MUC17: variants seen among roughly 807,000 people sequenced by gnomAD.
MUC17 encodes the protein mucin 17, cell surface associated.
MUC17 carries 190 observed loss-of-function variants against 170.3 expected under a neutral mutation model. That is an observed-to-expected ratio of 1.12 (90% CI 0.99 to 1.26). The LOEUF (loss-of-function observed/expected upper bound fraction) is 1.26, where lower values mean the gene tolerates loss of function less well. MUC17 is among the 50% of genes most tolerant of loss of function. The probability of loss-of-function intolerance (pLI) is 0.00; values close to 1 mark genes in which losing one functional copy is unlikely to be tolerated. For synonymous variants in MUC17, 2,325 were observed against 2,002.5 expected (o/e 1.16, Z -4.30); for missense variants, 6,415 against 5,530.0 (o/e 1.16, Z -5.08).
chr7:101,038,146 C>T lies in MUC17; in HGVS notation c.6730C>T (p.Pro2244Ser). The part of the protein sequence containing the change: ...TSEASTLSAT[P>S]VDTSTPVTTS... ...TGAGGCTAGCACCCTTTCAGCAACT[C>T]CTGTTGACACCAGCACACCTGTGAC... The change falls in exon 3 of 13, where the codon CCT (proline) becomes TCT (serine). Residue 2244 changes from proline (P) to serine (S), a missense_variant. By Grantham distance (74) the Pro-to-Ser change is moderately conservative. Transcript: ENST00000306151. 6.2e-7 allele frequency: 1 copy of T among 1,613,750 alleles called. No individual in the cohort carries two copies. The highest frequency in any genetic ancestry group is 8.5e-7 in the Non-Finnish European group (1 of 1,179,916).
chr7:101,037,182 G>A lies in MUC17; in HGVS notation c.5766G>A (p.Arg1922=), dbSNP rs368849364. 5.2e-5 allele frequency: 80 copies of A among 1,538,700 alleles called. No homozygotes were observed. The African/African-American group carries it at 1.2e-3, about 23-fold the overall frequency. ...DGSSMPTSTP[R]EGRPPLTSIP... ...GCAGCATGCCAACCTCAACTCCTAG[G>A]GAAGGAAGGCCTCCATTAACAAGTA... The change falls in exon 3 of 13, where the codon AGG becomes AGA. Residue 1922 remains arginine (R), a synonymous_variant. Transcript: ENST00000306151.
chr7:101,040,538 C>T lies in MUC17; in HGVS notation c.9122C>T (p.Pro3041Leu), dbSNP rs1239747506. ...GGTACCGGCATACCAATCTCAACTC[C>T]TAGTGAAGGAAGTACTCCATTAACA... ...AEGTGIPIST[P>L]SEGSTPLTSI... Residue 3041 changes from proline (P) to leucine (L), a missense_variant, in exon 3 of 13, where the codon CCT becomes CTT. Pro to Leu is a moderately conservative substitution (Grantham distance 98). Transcript: ENST00000306151. 6.2e-7 allele frequency: 1 copy of T among 1,611,848 alleles called. No homozygotes were observed. Among genetic ancestry groups the T allele is most frequent in the Non-Finnish European group, 8.5e-7 (1 of 1,179,180 alleles).
rs142188663 is a variant in MUC17 at position 101,037,723 on chromosome 7, C to T, written c.6307C>T (p.Leu2103=). The change falls in exon 3 of 13, where the codon CTA becomes TTA. Residue 2103 remains leucine (L), a synonymous_variant. Transcript: ENST00000306151. ...TISAPSEGSP[L]LTSIPLSTTP... ...CTCAGCTCCTAGTGAAGGAAGTCCTCTACTAACAAGTATACCTCTCAGCAC... is the reference window on the plus strand; with the variant it reads ...CTCAGCTCCTAGTGAAGGAAGTCCTTTACTAACAAGTATACCTCTCAGCAC... 503 of 1,613,364 alleles carry T rather than the reference C, an allele frequency of 3.1e-4. 3 individuals carry two copies. In the Middle Eastern group the frequency reaches 3.9e-3, roughly 13 times the overall value.
chr7:101,022,580 A>G (rs1794111339), intron 1 of MUC17, among the ~76,000 whole-genome samples: 1 of 152,106 alleles, frequency 6.6e-6, no homozygotes, highest in African/African-American at 2.4e-5. Flanking sequence ...ATCCAGGCAT[A>G]TTGGGAGGCC....
rs1313049490 is a variant in MUC17 at position 101,053,150 on chromosome 7, G to A, written c.13265+3G>A. The A allele has an allele frequency of 6.2e-7, 1 of 1,612,398 alleles. No homozygotes were observed. Among genetic ancestry groups the A allele is most frequent in the Non-Finnish European group, 8.5e-7 (1 of 1,179,220 alleles). On this transcript the variant is annotated splice_donor_region_variant and intron_variant, in intron 10 of 12. Transcript: ENST00000306151. ...CGCTCCAAGAGAGAGGTGAAACGGTGAGCGAGCCCCTACCACCTCCTCTTC... is the reference window on the plus strand; with the variant it reads ...CGCTCCAAGAGAGAGGTGAAACGGTAAGCGAGCCCCTACCACCTCCTCTTC...
intron 4 of MUC17, 144 bp from the exon 5 acceptor site, chr7:101,048,701 C>G: frequency 1.4e-6 from 1 of 704,276 alleles, no homozygotes; most frequent in South Asian, 2.3e-5. Context: ...GGAAATAAAA[C>G]AAGAAGGTGT....
chr7:101,029,965 T>A (rs1029060876), intron 1 of MUC17, among the ~76,000 whole-genome samples: 1 of 152,178 alleles, frequency 6.6e-6, no homozygotes, highest in African/African-American at 2.4e-5. Flanking sequence ...TATTTTCTAT[T>A]GAAGGACTTC....
In MUC17 at chr7:101,042,233, C is replaced by T. The variant is rs773296945; in HGVS notation, c.10817C>T (p.Pro3606Leu). 4.3e-6 allele frequency: 7 copies of T among 1,614,210 alleles called. No homozygotes were observed. Among genetic ancestry groups the T allele is most frequent in the Non-Finnish European group, 5.9e-6 (7 of 1,180,028 alleles). The change falls in exon 3 of 13, where the codon CCT becomes CTT. Residue 3606 changes from proline (P) to leucine (L), a missense_variant. Physicochemically the swap from Pro to Leu is moderately conservative, Grantham distance 98. Coordinates refer to ENST00000306151, the MANE Select transcript of MUC17 (RefSeq NM_001040105.2). Reference protein sequence around the residue: ...PSTPSVDRSTPVTTSTQSNST... With the variant: ...PSTPSVDRSTLVTTSTQSNST... ...ACTCCTTCTGTTGACAGAAGCACAC[C>T]TGTGACCACTTCTACTCAGAGCAAT...
intron 2 of MUC17, 115 bp from the exon 3 acceptor site, chr7:101,031,485 CG>C (rs1794277755): frequency 8.6e-7 from 1 of 1,157,956 alleles, no homozygotes; most frequent in African/African-American, 1.6e-5. Context: ...TTCCTGAAAA[CG>C]GATGACATCC....
chr7:101,049,445 G>A (rs1794898329), intron 6 of MUC17, 63 bp downstream of exon 6: 1 of 1,567,148 alleles, frequency 6.4e-7, no homozygotes, highest in Non-Finnish European at 8.7e-7. Flanking sequence ...TAGTTATAAA[G>A]GCAATTAGAA....
rs199804999 is a variant in MUC17, at chr7:101,038,820, G to T, written c.7404G>T (p.Val2468=). 1.2e-6 allele frequency: 2 copies of T among 1,612,528 alleles called. No individual in the cohort carries two copies. Among genetic ancestry groups the T allele is most frequent in the South Asian group, 1.1e-5 (1 of 90,890 alleles). The change falls in exon 3 of 13, where the codon GTG becomes GTT. Residue 2468 remains valine, a synonymous_variant. Transcript: ENST00000306151. The part of the protein sequence containing the change: ...LASMPVSTTP[V]VSSEAGTLST... ...GTATGCCTGTCAGCACCACGCCGGT[G>T]GTCAGTTCTGAGGCTGGCACCCTTT... is the stretch of plus-strand genomic sequence containing the variant.
chr7:101,032,940 A>C lies in MUC17; in HGVS notation c.1524A>C (p.Glu508Asp), dbSNP rs1419810446. 1.2e-6 allele frequency: 2 copies of C among 1,614,008 alleles called. No individual in the cohort carries two copies. Among genetic ancestry groups the C allele is most frequent in the African/African-American group, 2.7e-5 (2 of 74,906 alleles). Residue 508 changes from glutamate (E) to aspartate (D), a missense_variant, in exon 3 of 13, where the codon GAA (glutamate) becomes GAC (aspartate). Physicochemically the swap from Glu to Asp is conservative, Grantham distance 45 (BLOSUM62 2). Coordinates refer to ENST00000306151, the MANE Select transcript of MUC17 (RefSeq NM_001040105.2). The stretch of plus-strand genomic sequence containing the variant: ...GCATGCCAACCTCAACTCCTAGTGA[A>C]GGAAGCACTCCATTAACAAGTATGT... ...VNSMPTSTPS[E>D]GSTPLTSMSV...
At chr7:101,050,867 A>T (rs1794929392) in intron 7 of MUC17, among the ~76,000 whole-genome samples, 1 of 152,046 alleles carries the variant, frequency 6.6e-6, no homozygotes, top group African/African-American at 2.4e-5. Flanking sequence ...AAGGGAAGGG[A>T]CAAAGGCAAA....
In MUC17 at chr7:101,036,497, G is replaced by C; in HGVS notation, c.5081G>C (p.Ser1694Thr). ...ACTGAAGGAAGAACTCCTTTAACAA[G>C]TATAACTGTCAGAACAACACCGGTG... ...TYTEGRTPLT[S>T]ITVRTTPVAS... Residue 1694 changes from serine (S) to threonine (T), a missense_variant, in exon 3 of 13, where the codon AGT becomes ACT. By Grantham distance (58) the Ser-to-Thr change is moderately conservative. Coordinates refer to ENST00000306151, the MANE Select transcript of MUC17 (RefSeq NM_001040105.2). The C allele has an allele frequency of 6.2e-7, 1 of 1,610,682 alleles. No homozygotes were observed. The highest frequency in any genetic ancestry group is 8.5e-7 in the Non-Finnish European group (1 of 1,178,224).
chr7:101,039,074 G>A lies in MUC17; in HGVS notation c.7658G>A (p.Ser2553Asn). 6.2e-7 allele frequency: 1 copy of A among 1,613,044 alleles called. No individual in the cohort carries two copies. The highest frequency in any genetic ancestry group is 8.5e-7 in the Non-Finnish European group (1 of 1,179,736). The change falls in exon 3 of 13, where the codon AGT becomes AAT. Residue 2553 changes from serine to asparagine, a missense_variant. Physicochemically the swap from Ser to Asn is conservative, Grantham distance 46. Transcript: ENST00000306151. Reference sequence around the variant, plus strand: ...CCTGTGGTCACTTCTACTGAAATCAGTTCATCTGCTACATCCGCTGAAGGT... The same window carrying A: ...CCTGTGGTCACTTCTACTGAAATCAATTCATCTGCTACATCCGCTGAAGGT... ...NSPVVTSTEI[S>N]SSATSAEGTS...
In MUC17 at chr7:101,041,425, G is replaced by A. The variant is rs1334472951; in HGVS notation, c.10009G>A (p.Glu3337Lys). 9 of 1,614,144 alleles carry A rather than the reference G, an allele frequency of 5.6e-6. No homozygotes were observed. The highest frequency in any genetic ancestry group is 6.8e-6 in the Non-Finnish European group (8 of 1,180,024). Residue 3337 changes from glutamate (E) to lysine (K), a missense_variant, in exon 3 of 13, where the codon GAA (glutamate) becomes AAA (lysine). By Grantham distance (56) the Glu-to-Lys change is moderately conservative. Transcript: ENST00000306151. ...GTSMPTSTYS[E>K]GSTPLTNMSF... The stretch of plus-strand genomic sequence containing the variant: ...TAGCATGCCAACCTCAACTTATAGT[G>A]AAGGAAGCACTCCACTAACAAATAT...
rs1006479198 is a variant in MUC17, at chr7:101,038,794, A to C, written c.7378A>C (p.Ser2460Arg). Residue 2460 changes from serine to arginine, a missense_variant, in exon 3 of 13, where the codon AGT (serine) becomes CGT (arginine). Transcript: ENST00000306151. Reference protein sequence around the residue: ...PPSEGTTPLASMPVSTTPVVS... With the variant: ...PPSEGTTPLARMPVSTTPVVS... ...TAGTGAAGGAACCACTCCGTTAGCA[A>C]GTATGCCTGTCAGCACCACGCCGGT... 9 of 1,612,170 alleles carry C rather than the reference A, an allele frequency of 5.6e-6. No homozygotes were observed. Among genetic ancestry groups the C allele is most frequent in the Non-Finnish European group, 7.6e-6 (9 of 1,178,938 alleles).
rs766525162 is a variant in MUC17, at chr7:101,020,164, G to A, written c.29G>A (p.Cys10Tyr). 1.2e-5 allele frequency: 20 copies of A among 1,608,824 alleles called. No individual in the cohort carries two copies. In the South Asian group the frequency reaches 1.6e-4, roughly 13 times the overall value. The part of the protein sequence containing the change: MPRPGTMAL[C>Y]LLTLVLSLLP... ...CCAAGGCCAGGGACCATGGCGCTGT[G>A]TCTGCTGACCTTGGTCCTCTCGCTC... Residue 10 changes from cysteine (C) to tyrosine (Y), a missense_variant, in exon 1 of 13, where the codon TGT (cysteine) becomes TAT (tyrosine). Coordinates refer to ENST00000306151, the MANE Select transcript of MUC17 (RefSeq NM_001040105.2).
rs1422518294 is a variant in MUC17 at position 101,038,682 on chromosome 7, T to G, written c.7266T>G (p.Val2422=). 1 of 1,613,622 alleles carries G rather than the reference T, an allele frequency of 6.2e-7. No individual in the cohort carries two copies. ...SEASTHSTTP[V]DTSTPVTTST... The stretch of plus-strand genomic sequence containing the variant: ...CTAGCACCCATTCCACAACTCCTGT[T>G]GACACCAGCACACCTGTCACCACTT... Residue 2422 remains valine, a synonymous_variant, in exon 3 of 13, where the codon GTT becomes GTG. Coordinates refer to ENST00000306151, the MANE Select transcript of MUC17 (RefSeq NM_001040105.2).
Sources: gnomAD v4.1 joint callset for allele counts (sites outside exome capture counted in the v4.1 genomes callset) on GRCh38, gnomAD v4.1.1 for gene constraint, MANE v1.5 for transcripts, NCBI Gene and HGNC (gene_info 2026-07-23, HGNC 2026-07-21) for gene names.